CDH8: variants seen among roughly 807,000 people sequenced by gnomAD.
CDH8 encodes the protein cadherin-8.
CDH8 carries 17 observed loss-of-function variants against 68.1 expected under a neutral mutation model. The observed-to-expected ratio is 0.25, with a 90% CI of 0.17 to 0.37. The LOEUF (loss-of-function observed/expected upper bound fraction) is 0.37, where lower values mean the gene tolerates loss of function less well. Ranked by LOEUF, CDH8 falls within the 10% of genes least tolerant of loss-of-function variation. CDH8 has a pLI of 1.00. For synonymous variants in CDH8, 372 were observed against 365.1 expected, an observed-to-expected ratio of 1.02 and a Z score of -0.21; for missense variants, 763 against 999.3, an observed-to-expected ratio of 0.76 and a Z score of 3.19.
At chr16:61,827,805 T>G (rs1962373007) in intron 4 of CDH8, among the ~76,000 whole-genome samples, 1 of 151,830 alleles carries the variant, frequency 6.6e-6, no homozygotes, top group Non-Finnish European at 1.5e-5. Context: ...TAAGGGGCAC[T>G]GACCCCACGT....
intron 8 of CDH8, among the ~76,000 whole-genome samples, chr16:61,736,416 T>C (rs980737944): frequency 1.3e-5 from 2 of 152,192 alleles, no homozygotes; most frequent in African/African-American, 4.8e-5. Flanking sequence ...AGATTTCTTT[T>C]TTAAAAATTA....
chr16:61,665,793 T>C lies in CDH8; in HGVS notation c.1655-10072A>G, dbSNP rs866512978. 3.4e-3 allele frequency among the ~76,000 whole-genome samples: 408 copies of C among 120,474 alleles called. 3 individuals are homozygous for C. Among genetic ancestry groups the C allele is most frequent in the South Asian group, 4.3e-3 (15 of 3,528 alleles). 79.0% of individuals were successfully genotyped at this position (120,474 alleles called of 152,430 possible). ...CTTCCTTCCTTCCTTCCTTCCTTCCTTCCTTCCTTCCTTTCCCTCCTTCCT... is the reference window on the plus strand; with the variant it reads ...CTTCCTTCCTTCCTTCCTTCCTTCCCTCCTTCCTTCCTTTCCCTCCTTCCT... On this transcript the variant is annotated intron_variant, in intron 10 of 11. Coordinates refer to ENST00000577390, the MANE Select transcript of CDH8 (RefSeq NM_001796.5).
intron 2 of CDH8, among the ~76,000 whole-genome samples, chr16:61,947,925 A>C (rs186410902): frequency 7.9e-5 from 12 of 152,284 alleles, no homozygotes; most frequent in African/African-American, 2.9e-4. Context: ...TGAGATAGTC[A>C]GGCAAACTCT....
chr16:61,872,870 A>T (rs1963394633), intron 3 of CDH8, among the ~76,000 whole-genome samples: 1 of 152,202 alleles, frequency 6.6e-6, no homozygotes, highest in Admixed American at 6.5e-5. Context: ...TCAAAGAGAC[A>T]CTTCAGAAGG....
At chr16:61,957,709 C>T (rs1029257024) in intron 2 of CDH8, among the ~76,000 whole-genome samples, 2 of 152,128 alleles carry the variant, frequency 1.3e-5, no homozygotes, top group Non-Finnish European at 2.9e-5. Context: ...ATCCTTAGGA[C>T]TTGTTATATT....
chr16:61,768,316 C>T (rs1280957852), intron 8 of CDH8, among the ~76,000 whole-genome samples: 1 of 25,720 alleles, frequency 3.9e-5, no homozygotes. Context: ...CTCTCCCTTT[C>T]TCTCTCTCTC....
At chr16:62,015,504 G>T (rs769686405) in intron 2 of CDH8, among the ~76,000 whole-genome samples, 3 of 152,088 alleles carry the variant, frequency 2.0e-5, no homozygotes, top group African/African-American at 7.2e-5. Context: ...GCACCTAACA[G>T]AAATGACTTT....
rs1056027137 is a variant in CDH8, at chr16:61,733,838, A to G, written c.1415-6623T>C. Among the ~76,000 whole-genome samples, 10 of 152,110 alleles carry G rather than the reference A, an allele frequency of 6.6e-5. No homozygotes were observed. In the East Asian group the frequency reaches 1.7e-3, roughly 27 times the overall value. The stretch of plus-strand genomic sequence containing the variant: ...ACTCGTTGATTCTTGAGCCCTCTAT[A>G]TCTCCTCCATAGTTATCTACGACCA... On this transcript the variant is annotated intron_variant, in intron 8 of 11. Transcript: ENST00000577390.
intron 4 of CDH8, among the ~76,000 whole-genome samples, chr16:61,831,312 G>A (rs1201974909): frequency 1.3e-5 from 2 of 151,732 alleles, no homozygotes; most frequent in Non-Finnish European, 2.9e-5. Flanking sequence ...TCTAGTAGAA[G>A]AATTACAAGG....
intron 8 of CDH8, among the ~76,000 whole-genome samples, chr16:61,753,519 C>T (rs1960227159): frequency 6.6e-6 from 1 of 152,148 alleles, no homozygotes; most frequent in Non-Finnish European, 1.5e-5. Flanking sequence ...GGATTATAGG[C>T]ATGAGCCACC....
chr16:61,915,760 G>T (rs1205090662), intron 2 of CDH8, among the ~76,000 whole-genome samples: 1 of 152,158 alleles, frequency 6.6e-6, no homozygotes, highest in East Asian at 1.9e-4. Context: ...AGGGTCTGAC[G>T]TCACCATACT....
chr16:61,669,336 A>G (rs905129345), intron 10 of CDH8, among the ~76,000 whole-genome samples: 1 of 152,148 alleles, frequency 6.6e-6, no homozygotes, highest in East Asian at 1.9e-4. Flanking sequence ...TGGCACAGGA[A>G]AGTCTTCCTC....
chr16:61,919,213 GA>G (rs200578820), intron 2 of CDH8, among the ~76,000 whole-genome samples: 1 of 137,540 alleles, frequency 7.3e-6, no homozygotes, highest in Non-Finnish European at 1.6e-5. Flanking sequence ...CAAAGATGGG[GA>G]AAAAACAGAA....
In CDH8 at chr16:61,983,879, C is replaced by CTTTATTTTATTTTAT. The variant is rs199945282; in HGVS notation, c.252+37258_252+37272dup. On this transcript the variant is annotated intron_variant, in intron 2 of 11. Coordinates refer to ENST00000577390, the MANE Select transcript of CDH8 (RefSeq NM_001796.5). ...AGGAGAGAAAGCTCTGGTGTTTCCT[C>CTTTATTTTATTTTAT]TTTATTTTATTTTATTTTATTTTAT... Among the ~76,000 whole-genome samples the CTTTATTTTATTTTAT allele has an allele frequency of 7.1e-3, 1,003 of 140,466 alleles. 19 individuals carry two copies. Among genetic ancestry groups the CTTTATTTTATTTTAT allele is most frequent in the African/African-American group, 0.024 (913 of 38,206 alleles). 92.2% of individuals were successfully genotyped at this position (140,466 alleles called of 152,430 possible).
chr16:61,700,438 GC>G (rs1964402853), intron 10 of CDH8, among the ~76,000 whole-genome samples: 1 of 151,838 alleles, frequency 6.6e-6, no homozygotes, highest in Non-Finnish European at 1.5e-5. Context: ...GTGCCACAAC[GC>G]CCAGGTAATT....
chr16:61,904,706 T>A (rs978323562), intron 2 of CDH8, among the ~76,000 whole-genome samples: 23 of 152,380 alleles, frequency 1.5e-4, no homozygotes, highest in Admixed American at 6.5e-4. Context: ...ATAAGGGCTA[T>A]GTGAATCACT....
At chr16:61,726,746 G>A (rs1282788362) in intron 9 of CDH8, 2 of 349,526 alleles carry the variant, frequency 5.7e-6, no homozygotes, top group Non-Finnish European at 5.1e-6. Flanking sequence ...TCCTCTCCAC[G>A]AGGTTTTACC....
At chr16:61,694,372 T>C (rs991416933) in intron 10 of CDH8, among the ~76,000 whole-genome samples, 1 of 152,232 alleles carries the variant, frequency 6.6e-6, no homozygotes, top group East Asian at 1.9e-4. Context: ...TTTATAATTT[T>C]AGATGAATTT....
chr16:62,023,764 G>A (rs1264577567), intron 1 of CDH8, among the ~76,000 whole-genome samples: 5 of 152,136 alleles, frequency 3.3e-5, no homozygotes, highest in Non-Finnish European at 5.9e-5. Context: ...CACACATGGG[G>A]AGATCCATTC....
Sources: allele counts gnomAD v4.1 joint callset (sites outside exome capture counted in the v4.1 genomes callset), GRCh38; gene constraint gnomAD v4.1.1; transcripts MANE v1.5; gene names NCBI Gene and HGNC (gene_info 2026-07-23, HGNC 2026-07-21).